The following SEC24D variants were observed in gnomAD, a reference collection of about 807,000 sequenced individuals.
SEC24D encodes SEC24 homolog D, COPII component, also known as protein transport protein Sec24D.
A neutral mutation model predicts 116.9 loss-of-function variants in SEC24D; 69 were observed. The observed-to-expected ratio is 0.59, with a 90% CI of 0.49 to 0.72. The LOEUF is 0.72. SEC24D is among the 30% of genes least tolerant of loss of function. The pLI is 0.00. For synonymous variants in SEC24D, 405 were observed against 442.8 expected (o/e 0.91, Z 1.07); for missense variants, 1,131 against 1,264.1 (o/e 0.89, Z 1.60).
intron 8 of SEC24D, among the ~76,000 whole-genome samples, chr4:118,778,026 A>T (rs1286794424): frequency 1.3e-5 from 2 of 152,108 alleles, no homozygotes; most frequent in East Asian, 3.9e-4. Flanking sequence ...AGATGGGTAG[A>T]TTGCAAAAAT....
rs70944815 is a variant in SEC24D at position 118,793,466 on chromosome 4, C to CAAA, written c.1041+4214_1041+4216dup. Among the ~76,000 whole-genome samples, 32 of 69,266 alleles carry CAAA rather than the reference C, an allele frequency of 4.6e-4. 1 individual carries two copies. Among genetic ancestry groups the CAAA allele is most frequent in the African/African-American group, 1.4e-3 (23 of 16,204 alleles). 45.4% of individuals were successfully genotyped at this position (69,266 alleles called of 152,430 possible). A position where few individuals can be genotyped will look rare whatever the true frequency, so the allele number is the denominator to read the frequency against. On this transcript the variant is annotated intron_variant, in intron 8 of 22. Coordinates refer to ENST00000280551, the MANE Select transcript of SEC24D (RefSeq NM_014822.4). ...TGGGCGACAGAGCGAGACTCCGTCT[C>CAAA]AAAAAAAAAAAAAAAAAAAAAAAAA... is the stretch of plus-strand genomic sequence containing the variant.
intron 8 of SEC24D, among the ~76,000 whole-genome samples, chr4:118,781,144 T>C (rs983335277): frequency 7.2e-5 from 11 of 152,066 alleles, no homozygotes; most frequent in African/African-American, 2.4e-4. Context: ...TGTTAGCTGG[T>C]TATTTTGCCC....
intron 8 of SEC24D, among the ~76,000 whole-genome samples, chr4:118,777,199 T>C (rs890089995): frequency 2.0e-5 from 3 of 152,148 alleles, no homozygotes; most frequent in African/African-American, 4.8e-5. Context: ...ATGTGCCATG[T>C]TGGTTTGCTG....
chr4:118,768,948 AAC>A (rs1461850261), intron 8 of SEC24D, among the ~76,000 whole-genome samples: 1 of 152,234 alleles, frequency 6.6e-6, no homozygotes, highest in East Asian at 1.9e-4. Context: ...TTACGTTAAA[AAC>A]ATTCTAGACA....
chr4:118,765,871 C>T (rs1176655010), intron 9 of SEC24D, among the ~76,000 whole-genome samples: 2 of 150,962 alleles, frequency 1.3e-5, no homozygotes, highest in Non-Finnish European at 2.9e-5. Flanking sequence ...TACGTTGTTA[C>T]TGTATCATGG....
At chr4:118,805,788 A>C (rs1317223968) in intron 7 of SEC24D, 55 bp downstream of exon 7, 3 of 1,100,690 alleles carry the variant, frequency 2.7e-6, no homozygotes, top group African/African-American at 1.6e-5. Flanking sequence ...TATTTGCTTT[A>C]AAAACGGTGA....
chr4:118,763,100 C>T (rs1727466663), intron 10 of SEC24D, among the ~76,000 whole-genome samples: 1 of 152,180 alleles, frequency 6.6e-6, no homozygotes, highest in Non-Finnish European at 1.5e-5. Flanking sequence ...CAATGATTCT[C>T]CTTCAGTTAA....
intron 22 of SEC24D, among the ~76,000 whole-genome samples, chr4:118,727,666 C>T (rs868022667): frequency 1.4e-4 from 22 of 151,870 alleles, no homozygotes; most frequent in Non-Finnish European, 2.7e-4. Context: ...GTAACCAAAT[C>T]TTAAGAGAAT....
At chr4:118,791,161 A>G (rs1728876756) in intron 8 of SEC24D, among the ~76,000 whole-genome samples, 2 of 152,030 alleles carry the variant, frequency 1.3e-5, no homozygotes, top group South Asian at 4.2e-4. Flanking sequence ...CCACTTATTG[A>G]TATGTGGAAA....
chr4:118,724,202 G>C (rs996155283), intron 22 of SEC24D, among the ~76,000 whole-genome samples: 1 of 152,102 alleles, frequency 6.6e-6, no homozygotes, highest in African/African-American at 2.4e-5. Flanking sequence ...GTCTGGGTGG[G>C]AGATGATCAG....
chr4:118,744,291 G>C (rs1052842561), intron 14 of SEC24D, 133 bp from the exon 15 acceptor site: 2 of 914,432 alleles, frequency 2.2e-6, no homozygotes, highest in African/African-American at 1.7e-5. Context: ...AAGTGAACTG[G>C]GCTGAAGAAA....
At chr4:118,737,494 G>T (rs1726019732) in intron 19 of SEC24D, among the ~76,000 whole-genome samples, 1 of 152,112 alleles carries the variant, frequency 6.6e-6, no homozygotes, top group Non-Finnish European at 1.5e-5. Flanking sequence ...TTTAGGTGGG[G>T]CTTCAGATGT....
chr4:118,769,998 GGCAAGT>G (rs1393885423), intron 8 of SEC24D, among the ~76,000 whole-genome samples: 1 of 152,110 alleles, frequency 6.6e-6, no homozygotes, highest in African/African-American at 2.4e-5. Context: ...TTGACAGGAG[GGCAAGT>G]ATGAGATGGG....
intron 2 of SEC24D, among the ~76,000 whole-genome samples, chr4:118,832,633 A>C (rs917392290): frequency 2.0e-5 from 3 of 152,326 alleles, no homozygotes; most frequent in Middle Eastern, 3.4e-3. Flanking sequence ...GACCTTAGAC[A>C]AGTCACATGA....
chr4:118,773,199 T>C (rs1727988163), intron 8 of SEC24D, among the ~76,000 whole-genome samples: 1 of 152,156 alleles, frequency 6.6e-6, no homozygotes. Context: ...ATCAGCATCC[T>C]AGGACTCTAC....
intron 8 of SEC24D, among the ~76,000 whole-genome samples, chr4:118,783,768 A>G (rs138790697): frequency 5.0e-4 from 76 of 152,344 alleles, no homozygotes; most frequent in Middle Eastern, 3.4e-3. Flanking sequence ...AAACCAAATG[A>G]TCAATTCCCT....
At chr4:118,816,088 ATTT>A (rs34404398) in intron 4 of SEC24D, among the ~76,000 whole-genome samples, 7 of 101,304 alleles carry the variant, frequency 6.9e-5, no homozygotes, top group Non-Finnish European at 7.7e-5. Context: ...CGCCAAGTTC[ATTT>A]TTTTTTTTTT....
chr4:118,730,678 G>A (rs1419409113), intron 21 of SEC24D: 1 of 152,194 alleles, frequency 6.6e-6, no homozygotes, highest in Non-Finnish European at 1.5e-5. Flanking sequence ...ATTATAAGCT[G>A]GGTTTTCCTA....
rs770892912 is a variant in SEC24D, at chr4:118,805,852, G to A, written c.904C>T (p.Gln302Ter). Residue 302 changes from glutamine to a stop codon, truncating the protein, a stop_gained, in exon 7 of 23, where the codon CAA (glutamine) becomes TAA (stop). Transcript: ENST00000280551. LOFTEE classifies it high-confidence loss of function. ...PPLVTTDCMI[Q>*]DQGNASPRFI... Reference sequence around the variant, plus strand: ...AATTAAAAACAAATACCTTGGTCTTGTATCATGCAATCTGTAGTGACCAGG... The same window carrying A: ...AATTAAAAACAAATACCTTGGTCTTATATCATGCAATCTGTAGTGACCAGG... 4.5e-6 allele frequency: 7 copies of A among 1,550,238 alleles called. No individual in the cohort carries two copies. In the East Asian group the frequency reaches 9.6e-5, roughly 21 times the overall value.
Sources: allele counts gnomAD v4.1 joint callset (sites outside exome capture counted in the v4.1 genomes callset), GRCh38; gene constraint gnomAD v4.1.1; transcripts MANE v1.5; gene names NCBI Gene and HGNC (gene_info 2026-07-23, HGNC 2026-07-21).